Variants in FBXO39 observed in about 807,000 individuals in gnomAD.
The protein encoded by FBXO39 is F-box protein 39.
In FBXO39, 22 loss-of-function variants were observed where a neutral mutation model predicts 36.6. That is an observed-to-expected ratio of 0.60 (90% CI 0.43 to 0.86). The LOEUF (loss-of-function observed/expected upper bound fraction) is 0.86. FBXO39 is among the 40% of genes least tolerant of loss of function. The probability of loss-of-function intolerance (pLI) is 0.00; values close to 1 mark genes in which losing one functional copy is unlikely to be tolerated. For synonymous variants in FBXO39, 206 were observed against 205.8 expected, an observed-to-expected ratio of 1.00 and a Z score of -0.01; for missense variants, 536 against 543.9, an observed-to-expected ratio of 0.99 and a Z score of 0.14.
In FBXO39 at chr17:6,780,064, A is replaced by T; in HGVS notation, c.196A>T (p.Arg66Ter). 1 of 1,614,192 alleles carries T rather than the reference A, an allele frequency of 6.2e-7. No individual in the cohort carries two copies. Among genetic ancestry groups the T allele is most frequent in the Non-Finnish European group, 8.5e-7 (1 of 1,180,028 alleles). ...GTACAGAACCATCACCTTCAGCGGG[A>T]GACCTTCCAGGGTACATGCATCTGA... ...WRYRTITFSG[R>*]PSRVHASEVE... The change falls in exon 2 of 4, where the codon AGA becomes TGA. Residue 66 changes from arginine to a stop codon, truncating the protein, a stop_gained. Coordinates refer to ENST00000321535, the MANE Select transcript of FBXO39 (RefSeq NM_153230.3). LOFTEE classifies it high-confidence loss of function.
At position 6,779,793 on chromosome 17, in the gene FBXO39, C is replaced by A. The variant is rs754915722; in HGVS notation, c.-76C>A. On this transcript the variant is annotated 5_prime_UTR_variant, in exon 2 of 4. Coordinates refer to ENST00000321535, the MANE Select transcript of FBXO39 (RefSeq NM_153230.3). ...CTTCCTTTTTATTCCCCACAGAAAG[C>A]AAGTGATTGCTTTCCTTTCCTCATT... 2.1e-6 allele frequency: 3 copies of A among 1,435,270 alleles called. No individual in the cohort carries two copies. The highest frequency in any genetic ancestry group is 2.8e-6 in the Non-Finnish European group (3 of 1,054,810). 88.9% of individuals were successfully genotyped at this position (1,435,270 alleles called of 1,614,324 possible). A position where few individuals can be genotyped will look rare whatever the true frequency, so the allele number is the denominator to read the frequency against.
At chr17:6,786,703 G>C (rs1046550709) in intron 2 of FBXO39, 77 bp from the exon 3 acceptor site, 2 of 1,292,016 alleles carry the variant, frequency 1.5e-6, no homozygotes, top group Non-Finnish European at 2.1e-6. Flanking sequence ...GAGCCAGGTC[G>C]TGGAAATGTT....
intron 2 of FBXO39, among the ~76,000 whole-genome samples, chr17:6,784,724 A>G (rs1356802298): frequency 6.6e-6 from 1 of 151,938 alleles, no homozygotes; most frequent in Non-Finnish European, 1.5e-5. Context: ...GATCTCTACA[A>G]TGAAAATTAT....
Position 6,783,488 on chromosome 17 carries a change from C to A in FBXO39, c.1023+2597C>A, listed in dbSNP as rs553135906. Among the ~76,000 whole-genome samples the A allele has an allele frequency of 4.4e-3, 670 of 151,558 alleles. 4 individuals are homozygous for A. Among genetic ancestry groups the A allele is most frequent in the African/African-American group, 0.016 (645 of 41,388 alleles). On this transcript the variant is annotated intron_variant, in intron 2 of 3. Coordinates refer to ENST00000321535, the MANE Select transcript of FBXO39 (RefSeq NM_153230.3). ...AAATAAAAGCTTTTTGAAAAATAAACAAAATTAACAAACCATTAGCAAAAA... is the reference window on the plus strand; with the variant it reads ...AAATAAAAGCTTTTTGAAAAATAAAAAAAATTAACAAACCATTAGCAAAAA...
chr17:6,781,196 G>A (rs763640188), intron 2 of FBXO39, among the ~76,000 whole-genome samples: 6 of 152,224 alleles, frequency 3.9e-5, no homozygotes, highest in Non-Finnish European at 7.3e-5. Flanking sequence ...CCTTGCAGGC[G>A]AATAGCGGCT....
chr17:6,787,003 AG>A, intron 3 of FBXO39, 47 bp downstream of exon 3: 6 of 1,564,956 alleles, frequency 3.8e-6, no homozygotes, highest in Non-Finnish European at 5.2e-6. Flanking sequence ...GGGGGCATCC[AG>A]GAATGGTGCT....
At chr17:6,782,378 C>G (rs1976519173) in intron 2 of FBXO39, among the ~76,000 whole-genome samples, 1 of 152,012 alleles carries the variant, frequency 6.6e-6, no homozygotes, top group Non-Finnish European at 1.5e-5. Flanking sequence ...GAGAAGACCG[C>G]AAAAAACCAG....
intron 2 of FBXO39, among the ~76,000 whole-genome samples, chr17:6,783,781 G>A (rs1976535444): frequency 6.6e-6 from 1 of 152,016 alleles, no homozygotes; most frequent in Admixed American, 6.6e-5. Flanking sequence ...GCAAAGAAAA[G>A]CCCTTGACCT....
chr17:6,785,534 A>G (rs1179210913), intron 2 of FBXO39, among the ~76,000 whole-genome samples: 1 of 152,194 alleles, frequency 6.6e-6, no homozygotes, highest in Admixed American at 6.5e-5. Context: ...AATGAAGGAA[A>G]CAATCAACAA....
chr17:6,779,926 C>CACAG lies in FBXO39; in HGVS notation c.58_59insACAG (p.Pro20HisfsTer36). 1 of 1,614,198 alleles carries CACAG rather than the reference C, an allele frequency of 6.2e-7. No homozygotes were observed. Among genetic ancestry groups the CACAG allele is most frequent in the Non-Finnish European group, 8.5e-7 (1 of 1,180,036 alleles). On this transcript the variant is annotated frameshift_variant, in exon 2 of 4. Coordinates refer to ENST00000321535, the MANE Select transcript of FBXO39 (RefSeq NM_153230.3). LOFTEE classifies it high-confidence loss of function. ...AGACCAGAGCTGCTGGGCCTTTCTG[C>CACAG]CCGATTTGTGTCTGTGCCGTGTTTT...
At chr17:6,776,491 C>G (rs942998524) in intron 1 of FBXO39, among the ~76,000 whole-genome samples, 9 of 152,168 alleles carry the variant, frequency 5.9e-5, no homozygotes, top group Admixed American at 2.6e-4. Context: ...AGATTTCCCT[C>G]CCTGGTTGGC....
At chr17:6,781,003 T>C in intron 2 of FBXO39, 112 bp downstream of exon 2, 3 of 1,216,082 alleles carry the variant, frequency 2.5e-6, no homozygotes, top group Non-Finnish European at 3.4e-6. Flanking sequence ...CAATCTCAAA[T>C]TGAAGTTCTA....
chr17:6,779,287 G>C (rs768657289), intron 1 of FBXO39, among the ~76,000 whole-genome samples: 1 of 152,128 alleles, frequency 6.6e-6, no homozygotes, highest in Non-Finnish European at 1.5e-5. Context: ...AACAAGTTAA[G>C]TGCCAGGTGA....
rs1976494885 is a variant in FBXO39, at chr17:6,780,554, T to C, written c.686T>C (p.Leu229Pro). The stretch of plus-strand genomic sequence containing the variant: ...TCCACATTCCACAATCTTGTGTCCC[T>C]GAACCTCAACTACAACTGTATCTCC... Reference protein sequence around the residue: ...TMSTFHNLVSLNLNYNCISDE... With the variant: ...TMSTFHNLVSPNLNYNCISDE... Residue 229 changes from leucine (L) to proline (P), a missense_variant, in exon 2 of 4, where the codon CTG becomes CCG. Physicochemically the swap from Leu to Pro is moderately conservative, Grantham distance 98. Transcript: ENST00000321535. 1.2e-6 allele frequency: 2 copies of C among 1,614,092 alleles called. No individual in the cohort carries two copies. Among genetic ancestry groups the C allele is most frequent in the Non-Finnish European group, 1.7e-6 (2 of 1,180,024 alleles).
intron 3 of FBXO39, 56 bp from the exon 4 acceptor site, chr17:6,787,244 G>T: frequency 1.3e-6 from 2 of 1,574,440 alleles, no homozygotes; most frequent in South Asian, 2.3e-5. Flanking sequence ...GTGTATGTGT[G>T]TGTGTGTGTG....
chr17:6,779,850 T>G lies in FBXO39; in HGVS notation c.-19T>G. 6.2e-7 allele frequency: 1 copy of G among 1,611,768 alleles called. No individual in the cohort carries two copies. The highest frequency in any genetic ancestry group is 8.5e-7 in the Non-Finnish European group (1 of 1,178,830). On this transcript the variant is annotated 5_prime_UTR_variant, in exon 2 of 4. Coordinates refer to ENST00000321535, the MANE Select transcript of FBXO39 (RefSeq NM_153230.3). Reference sequence around the variant, plus strand: ...AGCCCTGCCTAACACACAGCTGCACTGTACATCCCAGTTCCTGGATGGACG... The same window carrying G: ...AGCCCTGCCTAACACACAGCTGCACGGTACATCCCAGTTCCTGGATGGACG...
chr17:6,778,427 A>T (rs906750), intron 1 of FBXO39, among the ~76,000 whole-genome samples: 19,585 of 152,178 alleles, frequency 0.13, 1,931 homozygotes, highest in African/African-American at 0.28. Flanking sequence ...AGGAAAAAAA[A>T]GTACAGAAGA....
At chr17:6,778,267 T>G (rs1976458306) in intron 1 of FBXO39, among the ~76,000 whole-genome samples, 1 of 152,120 alleles carries the variant, frequency 6.6e-6, no homozygotes, top group Non-Finnish European at 1.5e-5. Flanking sequence ...TTGCCTATGG[T>G]GGGGGCAACG....
At chr17:6,778,598 A>G (rs972137662) in intron 1 of FBXO39, among the ~76,000 whole-genome samples, 1 of 152,188 alleles carries the variant, frequency 6.6e-6, no homozygotes, top group African/African-American at 2.4e-5. Context: ...ATGATCAATA[A>G]TCTTGGGTTT....
Sources: gnomAD v4.1 joint callset for allele counts (sites outside exome capture counted in the v4.1 genomes callset) on GRCh38, gnomAD v4.1.1 for gene constraint, MANE v1.5 for transcripts, NCBI Gene and HGNC (gene_info 2026-07-23, HGNC 2026-07-21) for gene names.